Variants in MAMLD1 observed in about 807,000 individuals in gnomAD.
The protein encoded by MAMLD1 is mastermind like domain containing 1, also known as mastermind-like domain-containing protein 1.
Under a neutral mutation model 45.0 loss-of-function variants are expected in MAMLD1, and 14 were observed. The ratio of observed to expected loss-of-function variants is 0.31; its 90% confidence interval spans 0.21 to 0.49. The LOEUF (loss-of-function observed/expected upper bound fraction) is 0.49. Ranked by LOEUF, MAMLD1 falls within the 20% of genes least tolerant of loss-of-function variation. The pLI is 0.99. For synonymous variants in MAMLD1, 254 were observed against 247.8 expected, an observed-to-expected ratio of 1.02 and a Z score of -0.24; for missense variants, 543 against 603.6, an observed-to-expected ratio of 0.90 and a Z score of 1.05.
At chrX:150,492,284 G>A (rs2037212023) in intron 5 of MAMLD1, among the ~76,000 whole-genome samples, 2 of 112,967 alleles carry the variant, frequency 1.8e-5, no homozygotes, top group Non-Finnish European at 3.7e-5. Flanking sequence ...GGAGGCTAAA[G>A]TGGAGGTGCA....
In MAMLD1 at chrX:150,476,699, A is replaced by G. The variant is rs782276467; in HGVS notation, c.2040+2897A>G. On this transcript the variant is annotated intron_variant, in intron 5 of 7. Coordinates refer to ENST00000370401, the MANE Select transcript of MAMLD1 (RefSeq NM_005491.5). ...GAGAAATAGACCAAGGAGGCACATG[A>G]TGTTGTTTTGACAAATATGGAGAGG... is the stretch of plus-strand genomic sequence containing the variant. Among the ~76,000 whole-genome samples, 17 of 112,965 alleles carry G rather than the reference A, an allele frequency of 1.5e-4. 1 individual carries two copies. The South Asian group carries it at 6.2e-3, about 41-fold the overall frequency.
At chrX:150,365,176 G>A (rs1028998388) in intron 1 of MAMLD1, among the ~76,000 whole-genome samples, 1 of 110,673 alleles carries the variant, frequency 9.0e-6, no homozygotes, top group East Asian at 2.9e-4. Flanking sequence ...CAGGAGGCTG[G>A]AGAGAGGGAA....
At chrX:150,382,654 C>CA (rs1278944657) in intron 1 of MAMLD1, among the ~76,000 whole-genome samples, 1 of 110,670 alleles carries the variant, frequency 9.0e-6, no homozygotes, top group Non-Finnish European at 1.9e-5. Context: ...TTTATGAGCA[C>CA]AAAAAAGGTG....
intron 5 of MAMLD1, among the ~76,000 whole-genome samples, chrX:150,490,353 A>C (rs1557407897): frequency 8.9e-6 from 1 of 112,354 alleles, no homozygotes; most frequent in African/African-American, 3.2e-5. Flanking sequence ...CTCAGTGTTT[A>C]GATTGTTGTT....
At chrX:150,368,738 A>G (rs2031725207) in intron 1 of MAMLD1, among the ~76,000 whole-genome samples, 1 of 112,062 alleles carries the variant, frequency 8.9e-6, no homozygotes, top group Admixed American at 9.4e-5. Context: ...TAATTTTTGT[A>G]TAAGGTATAA....
chrX:150,392,977 G>T (rs894382767), intron 1 of MAMLD1, among the ~76,000 whole-genome samples: 4 of 110,329 alleles, frequency 3.6e-5, no homozygotes, highest in Admixed American at 9.6e-5. Flanking sequence ...AAAGTCCATA[G>T]TCTACGTTAG....
chrX:150,364,458 G>C (rs1434174377), intron 1 of MAMLD1, among the ~76,000 whole-genome samples: 3 of 112,991 alleles, frequency 2.7e-5, no homozygotes, highest in Non-Finnish European at 3.8e-5. Context: ...CGCGCCTCGG[G>C]CTGGAGCATT....
intron 2 of MAMLD1, among the ~76,000 whole-genome samples, chrX:150,462,371 A>G (rs782493451): frequency 1.8e-5 from 2 of 111,744 alleles, no homozygotes; most frequent in African/African-American, 6.5e-5. Flanking sequence ...GACCCAAACC[A>G]ACCCTCTCTT....
intron 1 of MAMLD1, among the ~76,000 whole-genome samples, chrX:150,439,212 T>C (rs1180407578): frequency 8.9e-6 from 1 of 112,233 alleles, no homozygotes; most frequent in African/African-American, 3.2e-5. Context: ...TGTTGCATTT[T>C]AGGTGTTATG....
chrX:150,458,131 A>G (rs1335606904), intron 2 of MAMLD1, among the ~76,000 whole-genome samples: 1 of 111,022 alleles, frequency 9.0e-6, no homozygotes, highest in Non-Finnish European at 1.9e-5. Context: ...GTTGGCACTC[A>G]GGAGCTAAAA....
chrX:150,469,408 C>T (rs1557406157), intron 3 of MAMLD1, among the ~76,000 whole-genome samples: 1 of 111,954 alleles, frequency 8.9e-6, no homozygotes, highest in African/African-American at 3.3e-5. Flanking sequence ...TTTTAGTATA[C>T]AGACAACATA....
rs1557406433 is a variant in MAMLD1 at position 150,470,944 on chromosome X, C to T, written c.1371C>T (p.Pro457=). The T allele has an allele frequency of 1.7e-6, 2 of 1,212,069 alleles. No homozygotes were observed. ...CCAGCAACCCTGGGCCGTCCCCACC[C>T]TATCGCCCAGAGAAGCTCTCTAGCC... is the stretch of plus-strand genomic sequence containing the variant. ...LPASNPGPSP[P]YRPEKLSSPG... The change falls in exon 4 of 8, where the codon CCC becomes CCT. Residue 457 remains proline (P), a synonymous_variant. Transcript: ENST00000370401.
At chrX:150,447,982 G>A (rs1380329816) in intron 2 of MAMLD1, among the ~76,000 whole-genome samples, 1 of 112,198 alleles carries the variant, frequency 8.9e-6, no homozygotes, top group Non-Finnish European at 1.9e-5. Context: ...CAAAAAACAT[G>A]TTTCAAATCA....
intron 4 of MAMLD1, among the ~76,000 whole-genome samples, chrX:150,472,208 A>G (rs1473995571): frequency 8.9e-6 from 1 of 111,843 alleles, no homozygotes; most frequent in Non-Finnish European, 1.9e-5. Flanking sequence ...AGGCTTTTCA[A>G]TCATGAAATG....
intron 3 of MAMLD1, among the ~76,000 whole-genome samples, chrX:150,469,465 A>G (rs2036332278): frequency 8.9e-6 from 1 of 112,435 alleles, no homozygotes; most frequent in Non-Finnish European, 1.9e-5. Context: ...AAACATAATA[A>G]TGAATAAATA....
At chrX:150,493,388 AGTT>A (rs1322061539) in intron 5 of MAMLD1, among the ~76,000 whole-genome samples, 2 of 112,237 alleles carry the variant, frequency 1.8e-5, no homozygotes, top group Non-Finnish European at 3.8e-5. Flanking sequence ...TATAAACTTG[AGTT>A]GTTCCTTCAA....
At chrX:150,427,665 G>C (rs1432565370) in intron 1 of MAMLD1, among the ~76,000 whole-genome samples, 1 of 111,826 alleles carries the variant, frequency 8.9e-6, no homozygotes, top group East Asian at 2.8e-4. Flanking sequence ...GAGTCACTAA[G>C]AGTACAGCTC....
chrX:150,452,892 G>A (rs2035714022), intron 2 of MAMLD1, among the ~76,000 whole-genome samples: 1 of 109,704 alleles, frequency 9.1e-6, no homozygotes, highest in African/African-American at 3.3e-5. Context: ...TGAGAATGAT[G>A]ATTTCCAATT....
intron 2 of MAMLD1, among the ~76,000 whole-genome samples, chrX:150,448,196 T>C (rs1402676481): frequency 3.6e-5 from 4 of 111,927 alleles, no homozygotes; most frequent in Admixed American, 9.5e-5. Context: ...GTCTATCCTT[T>C]GCCCTCCCTG....
Sources: allele counts gnomAD v4.1 joint callset (sites outside exome capture counted in the v4.1 genomes callset), GRCh38; gene constraint gnomAD v4.1.1; transcripts MANE v1.5; gene names NCBI Gene and HGNC (gene_info 2026-07-23, HGNC 2026-07-21).